Variants in PHF21B observed in about 807,000 individuals in gnomAD.
PHF21B encodes the protein PHD finger protein 4.
PHF21B carries 22 observed loss-of-function variants against 62.2 expected under a neutral mutation model. The ratio of observed to expected loss-of-function variants is 0.35; its 90% CI spans 0.25 to 0.51. The LOEUF (loss-of-function observed/expected upper bound fraction) is 0.51. PHF21B is among the 20% of genes least tolerant of loss of function. The probability of loss-of-function intolerance (pLI) is 0.97; values close to 1 mark genes in which losing one functional copy is unlikely to be tolerated. For missense variants in PHF21B, 701 were observed against 707.9 expected (o/e 0.99, Z 0.11); for synonymous variants, 341 against 314.7 (o/e 1.08, Z -0.88).
intron 2 of PHF21B, among the ~76,000 whole-genome samples, chr22:44,941,642 C>A (rs1019900350): frequency 6.6e-6 from 1 of 152,182 alleles, no homozygotes; most frequent in Non-Finnish European, 1.5e-5. Flanking sequence ...GGGGATGGGG[C>A]AGGGGTGGAC....
Position 44,888,067 on chromosome 22 carries a change from G to A in PHF21B, c.1093C>T (p.Gln365Ter). The change falls in exon 10 of 13, where the codon CAG becomes TAG. Residue 365 changes from glutamine to a stop codon, truncating the protein, a stop_gained. Coordinates refer to ENST00000313237, the MANE Select transcript of PHF21B (RefSeq NM_138415.5). LOFTEE classifies it high-confidence loss of function. ...CAACKRGANL[Q>*]PCGTCPGAYH... ...GCCCCCGGGCAGGTGCCGCAGGGCT[G>A]CAGGTTGGCCCCTCGCTTGCAGGCG... is the stretch of plus-strand genomic sequence containing the variant. 6.5e-7 allele frequency: 1 copy of A among 1,550,002 alleles called. No individual in the cohort carries two copies. The highest frequency in any genetic ancestry group is 2.0e-5 in the Admixed American group (1 of 50,976).
At chr22:44,985,715 A>T (rs1040665257) in intron 2 of PHF21B, among the ~76,000 whole-genome samples, 1 of 152,222 alleles carries the variant, frequency 6.6e-6, no homozygotes, top group Non-Finnish European at 1.5e-5. Context: ...ATGGCAAAGC[A>T]ACATGGAAAA....
intron 2 of PHF21B, among the ~76,000 whole-genome samples, chr22:44,953,816 G>A (rs566832324): frequency 1.3e-5 from 2 of 152,326 alleles, no homozygotes; most frequent in Admixed American, 6.5e-5. Flanking sequence ...ACTATTTTAA[G>A]CATTAATTAA....
intron 2 of PHF21B, among the ~76,000 whole-genome samples, chr22:44,935,148 C>T (rs1277435923): frequency 6.6e-6 from 1 of 152,156 alleles, no homozygotes; most frequent in Admixed American, 6.5e-5. Context: ...CTCTGACCTG[C>T]GTCTAACTGG....
chr22:44,882,962 CCTCT>C lies in PHF21B; in HGVS notation c.*120_*123del. The stretch of plus-strand genomic sequence containing the variant: ...TCGCCCAGCTCTTCCTCCCTCCTCT[CCTCT>C]GTCTGGTTAATTTTTGTCTGAAATT... On this transcript the variant is annotated 3_prime_UTR_variant, in exon 13 of 13. Coordinates refer to ENST00000313237, the MANE Select transcript of PHF21B (RefSeq NM_138415.5). 8.3e-7 allele frequency: 1 copy of C among 1,204,044 alleles called. No individual in the cohort carries two copies. The highest frequency in any genetic ancestry group is 1.2e-6 in the Non-Finnish European group (1 of 864,052). The allele number at this position is 1,204,044 out of a possible 1,614,324, so 74.6% of individuals were successfully genotyped here. A position where few individuals can be genotyped will look rare whatever the true frequency, so the allele number is the denominator to read the frequency against.
chr22:44,928,081 A>C (rs922971726), intron 2 of PHF21B, among the ~76,000 whole-genome samples: 2 of 152,104 alleles, frequency 1.3e-5, no homozygotes, highest in South Asian at 2.1e-4. Context: ...GGCTCTGGAA[A>C]AATCTGTCTT....
intron 3 of PHF21B, among the ~76,000 whole-genome samples, chr22:44,920,050 C>T (rs2071507000): frequency 6.6e-6 from 1 of 152,228 alleles, no homozygotes; most frequent in African/African-American, 2.4e-5. Flanking sequence ...CAAAAATACA[C>T]ACGACGGAGT....
chr22:44,980,162 G>A (rs558943320), intron 2 of PHF21B, among the ~76,000 whole-genome samples: 2 of 150,910 alleles, frequency 1.3e-5, no homozygotes, highest in East Asian at 3.9e-4. Context: ...GCGAAGCTGT[G>A]CAACCACCAC....
chr22:44,905,504 T>A (rs2071232494), intron 5 of PHF21B, among the ~76,000 whole-genome samples: 1 of 152,262 alleles, frequency 6.6e-6, no homozygotes, highest in Admixed American at 6.5e-5. Context: ...TTTAGCACAA[T>A]TCACTTCATC....
chr22:44,961,530 G>C (rs1235852241), intron 2 of PHF21B, among the ~76,000 whole-genome samples: 1 of 152,018 alleles, frequency 6.6e-6, no homozygotes, highest in Non-Finnish European at 1.5e-5. Context: ...TTCTGTTCCT[G>C]CTCTATTTGC....
At chr22:44,954,987 C>G (rs1348796349) in intron 2 of PHF21B, among the ~76,000 whole-genome samples, 2 of 152,242 alleles carry the variant, frequency 1.3e-5, no homozygotes, top group East Asian at 1.9e-4. Flanking sequence ...GGGTGGCAGG[C>G]GGGGTGGAGC....
At chr22:44,946,236 G>A (rs1021768731) in intron 2 of PHF21B, among the ~76,000 whole-genome samples, 1 of 146,854 alleles carries the variant, frequency 6.8e-6, no homozygotes, top group Non-Finnish European at 1.5e-5. Context: ...TCGGGGTGGG[G>A]AGGGATGCCA....
At chr22:44,885,758 G>A in intron 11 of PHF21B, 105 bp downstream of exon 11, 1 of 1,250,980 alleles carries the variant, frequency 8.0e-7, no homozygotes, top group Non-Finnish European at 1.1e-6. Context: ...TGGCCCTGAA[G>A]GGAATGGACC....
chr22:44,883,397 A>G (rs2070772990), intron 12 of PHF21B, 93 bp from the exon 13 acceptor site: 10 of 1,187,272 alleles, frequency 8.4e-6, no homozygotes. Flanking sequence ...CCCCTCCACT[A>G]CAAAGGCCTA....
In PHF21B at chr22:44,916,435, C is replaced by A; in HGVS notation, c.409G>T (p.Ala137Ser). ...CTGCTCAGCGGAGAGGCGAGGGCGG[C>A]GGGCTCGGCGAGGGCCTGGGGCTGG... Reference protein sequence around the residue: ...GSQPQALAEPAALASPLSSAG... With the variant: ...GSQPQALAEPSALASPLSSAG... Residue 137 changes from alanine to serine, a missense_variant, in exon 4 of 13, where the codon GCC becomes TCC. Ala to Ser is a moderately conservative substitution (Grantham distance 99, BLOSUM62 1). Coordinates refer to ENST00000313237, the MANE Select transcript of PHF21B (RefSeq NM_138415.5). 1 of 1,593,794 alleles carries A rather than the reference C, an allele frequency of 6.3e-7. No individual in the cohort carries two copies. Among genetic ancestry groups the A allele is most frequent in the Non-Finnish European group, 8.5e-7 (1 of 1,173,978 alleles).
chr22:44,993,800 C>T lies in PHF21B; in HGVS notation c.120+14745G>A, dbSNP rs1376662594. Among the ~76,000 whole-genome samples the T allele has an allele frequency of 2.0e-5, 3 of 152,344 alleles. No individual in the cohort carries two copies. The East Asian group carries it at 5.8e-4, about 29-fold the overall frequency. ...CTTCTAAAGCAATCTTTCCTCGCCA[C>T]TGGATGAGAACAAATCAGGGTGAAA... is the stretch of plus-strand genomic sequence containing the variant. On this transcript the variant is annotated intron_variant, in intron 2 of 12. Coordinates refer to ENST00000313237, the MANE Select transcript of PHF21B (RefSeq NM_138415.5).
At chr22:44,968,310 G>T (rs968154900) in intron 2 of PHF21B, among the ~76,000 whole-genome samples, 1 of 152,112 alleles carries the variant, frequency 6.6e-6, no homozygotes, top group Non-Finnish European at 1.5e-5. Flanking sequence ...TCTGTACTTG[G>T]TCTATGATGC....
chr22:44,896,861 G>A (rs1846092766), intron 5 of PHF21B, among the ~76,000 whole-genome samples: 1 of 129,750 alleles, frequency 7.7e-6, no homozygotes, highest in Non-Finnish European at 1.7e-5. Context: ...ATGAAACAGG[G>A]TGGCACTTAG....
rs932020455 is a variant in PHF21B at position 44,907,112 on chromosome 22, T to C, written c.831+6710A>G. 2.6e-5 allele frequency among the ~76,000 whole-genome samples: 4 copies of C among 152,314 alleles called. No homozygotes were observed. In the South Asian group the frequency reaches 8.3e-4, roughly 32 times the overall value. Reference sequence around the variant, plus strand: ...CATGTCCGTGCCGCAACCTCACCCTTACTGTGAGAAACCCCAGGGCAGCTG... The same window carrying C: ...CATGTCCGTGCCGCAACCTCACCCTCACTGTGAGAAACCCCAGGGCAGCTG... On this transcript the variant is annotated intron_variant, in intron 5 of 12. Transcript: ENST00000313237.
Sources: allele counts gnomAD v4.1 joint callset (sites outside exome capture counted in the v4.1 genomes callset), GRCh38; gene constraint gnomAD v4.1.1; transcripts MANE v1.5; gene names NCBI Gene and HGNC (gene_info 2026-07-23, HGNC 2026-07-21).